The following RHOBTB1 variants were observed in gnomAD, a reference collection of about 807,000 sequenced individuals.
RHOBTB1 encodes rho-related BTB domain-containing protein 1.
RHOBTB1 carries 40 observed loss-of-function variants against 71.6 expected under a neutral mutation model. That is an observed-to-expected ratio of 0.56 (90% CI 0.43 to 0.73). The LOEUF (loss-of-function observed/expected upper bound fraction) is 0.73, where lower values mean the gene tolerates loss of function less well. Ranked by LOEUF, RHOBTB1 falls within the 30% of genes least tolerant of loss-of-function variation. The pLI is 0.00. For synonymous variants in RHOBTB1, 319 were observed against 334.9 expected (o/e 0.95, Z 0.52); for missense variants, 797 against 894.0 (o/e 0.89, Z 1.38).
chr10:60,879,155 G>C (rs1589158127), intron 7 of RHOBTB1, among the ~76,000 whole-genome samples: 1 of 152,158 alleles, frequency 6.6e-6, no homozygotes, highest in East Asian at 1.9e-4. Context: ...CTAGGAAGTA[G>C]TGACTGGGAT....
At position 60,887,774 on chromosome 10, in the gene RHOBTB1, T is replaced by TGGAGAATAGAATTGGTC. The variant is rs1317670631; in HGVS notation, c.1456+421_1456+437dup. Among the ~76,000 whole-genome samples the TGGAGAATAGAATTGGTC allele has an allele frequency of 3.9e-5, 6 of 152,118 alleles. No individual in the cohort carries two copies. The South Asian group carries it at 1.2e-3, about 31-fold the overall frequency. On this transcript the variant is annotated intron_variant, in intron 6 of 10. Transcript: ENST00000337910. ...TCATGGGTCAGTGCTGAAGGGTCAA[T>TGGAGAATAGAATTGGTC]GGAGAATAGAATTGGTCAGAGAATA...
At chr10:60,885,573 A>C (rs540899034) in intron 7 of RHOBTB1, among the ~76,000 whole-genome samples, 82 of 152,344 alleles carry the variant, frequency 5.4e-4, no homozygotes, top group African/African-American at 1.9e-3. Flanking sequence ...ATTGTAGCAC[A>C]TGGTAACCTG....
chr10:60,970,223 CA>C (rs1276246513), intron 2 of RHOBTB1, among the ~76,000 whole-genome samples: 1 of 151,996 alleles, frequency 6.6e-6, no homozygotes, highest in Non-Finnish European at 1.5e-5. Flanking sequence ...TTTGTGGTTA[CA>C]AGTCTATTCC....
At chr10:60,879,590 C>T (rs2132361112) in intron 7 of RHOBTB1, among the ~76,000 whole-genome samples, 1 of 152,218 alleles carries the variant, frequency 6.6e-6, no homozygotes, top group Non-Finnish European at 1.5e-5. Context: ...AGTGATCCTC[C>T]TGCCTTGGCT....
intron 2 of RHOBTB1, among the ~76,000 whole-genome samples, chr10:60,982,748 C>T (rs1017833946): frequency 6.6e-6 from 1 of 152,120 alleles, no homozygotes; most frequent in East Asian, 1.9e-4. Flanking sequence ...TTGTGACTCC[C>T]AGAGACTTAT....
intron 7 of RHOBTB1, among the ~76,000 whole-genome samples, chr10:60,879,832 GC>G (rs2081232483): frequency 6.6e-6 from 1 of 151,972 alleles, no homozygotes; most frequent in Non-Finnish European, 1.5e-5. Context: ...GCACACACAT[GC>G]ATGGAGCCAG....
intron 2 of RHOBTB1, among the ~76,000 whole-genome samples, chr10:60,979,059 G>C (rs554565595): frequency 2.0e-5 from 3 of 152,070 alleles, no homozygotes; most frequent in Admixed American, 2.0e-4. Flanking sequence ...TGGCTTCCTT[G>C]TCATCAGTAG....
chr10:60,905,244 T>C (rs530723836), intron 4 of RHOBTB1, among the ~76,000 whole-genome samples: 72 of 151,782 alleles, frequency 4.7e-4, no homozygotes, highest in African/African-American at 1.7e-3. Flanking sequence ...AGGTCAGCAG[T>C]TCGAGACCAC....
upstream of RHOBTB1, chr10:60,944,257 C>A (rs2085109276): frequency 6.6e-6 from 1 of 152,174 alleles, no homozygotes; most frequent in African/African-American, 2.4e-5. Flanking sequence ...CGCTCCCAGG[C>A]GGGGCAGCCA....
chr10:60,946,392 A>G (rs1459500879), upstream of RHOBTB1, among the ~76,000 whole-genome samples: 1 of 152,212 alleles, frequency 6.6e-6, no homozygotes, highest in Non-Finnish European at 1.5e-5. Context: ...CTCAAAAGAA[A>G]TGGGAATCAA....
At chr10:60,934,898 T>A (rs1156240829) in intron 2 of RHOBTB1, among the ~76,000 whole-genome samples, 1 of 152,200 alleles carries the variant, frequency 6.6e-6, no homozygotes, top group African/African-American at 2.4e-5. Context: ...AAAAGTACAT[T>A]CACATGAAAG....
At chr10:60,952,722 C>A (rs1441656870) in intron 2 of RHOBTB1, among the ~76,000 whole-genome samples, 2 of 152,172 alleles carry the variant, frequency 1.3e-5, no homozygotes, top group South Asian at 4.1e-4. Context: ...TAATGGGCTA[C>A]AGCTCATCTT....
At chr10:60,933,148 T>C (rs1028060017) in intron 2 of RHOBTB1, among the ~76,000 whole-genome samples, 1 of 152,232 alleles carries the variant, frequency 6.6e-6, no homozygotes. Flanking sequence ...TCTCTTACTT[T>C]ATTTGAAGTT....
At chr10:60,930,666 C>A (rs1034516214) in intron 2 of RHOBTB1, among the ~76,000 whole-genome samples, 1 of 152,254 alleles carries the variant, frequency 6.6e-6, no homozygotes, top group South Asian at 2.1e-4. Context: ...GCATGGCTTA[C>A]CTCACCTATT....
chr10:60,977,889 A>G (rs537922744), intron 2 of RHOBTB1, among the ~76,000 whole-genome samples: 4 of 152,134 alleles, frequency 2.6e-5, no homozygotes, highest in African/African-American at 4.8e-5. Flanking sequence ...TAAAATAAAT[A>G]TTCTGCATGA....
Position 60,938,757 on chromosome 10 carries a change from T to C in RHOBTB1, c.-11+3047A>G, listed in dbSNP as rs149418597. Among the ~76,000 whole-genome samples, 7 of 152,294 alleles carry C rather than the reference T, an allele frequency of 4.6e-5. No individual in the cohort carries two copies. In the East Asian group the frequency reaches 1.3e-3, roughly 29 times the overall value. On this transcript the variant is annotated intron_variant, in intron 2 of 10. Coordinates refer to ENST00000337910, the MANE Select transcript of RHOBTB1 (RefSeq NM_014836.5). Reference sequence around the variant, plus strand: ...GGGGGGTTTGTTTAGAGCAAATATATATTCAAGTTCTTAGACAGCGTTGGG... The same window carrying C: ...GGGGGGTTTGTTTAGAGCAAATATACATTCAAGTTCTTAGACAGCGTTGGG...
chr10:60,909,816 C>T (rs2082875810), intron 4 of RHOBTB1, among the ~76,000 whole-genome samples: 1 of 152,126 alleles, frequency 6.6e-6, no homozygotes, highest in Non-Finnish European at 1.5e-5. Flanking sequence ...TCTCTGAGTC[C>T]CCTTGAAAGA....
At chr10:60,885,647 C>G (rs531752345) in intron 7 of RHOBTB1, among the ~76,000 whole-genome samples, 4 of 152,314 alleles carry the variant, frequency 2.6e-5, no homozygotes, top group African/African-American at 7.2e-5. Flanking sequence ...AATGCGGCTT[C>G]TCAAGGTCCC....
In RHOBTB1 at chr10:60,911,433, T is replaced by A; in HGVS notation, c.110A>T (p.Asn37Ile). Residue 37 changes from asparagine to isoleucine, a missense_variant, in exon 3 of 11, where the codon AAC (asparagine) becomes ATC (isoleucine). Coordinates refer to ENST00000337910, the MANE Select transcript of RHOBTB1 (RefSeq NM_014836.5). ...KTRLICARAC[N>I]TTLTQYQLLA... ...CAGCTGATACTGCGTGAGTGTGGTG[T>A]TGCACGCCCTGGCACAGATCAAGCG... 1 of 1,614,164 alleles carries A rather than the reference T, an allele frequency of 6.2e-7. No homozygotes were observed. The highest frequency in any genetic ancestry group is 8.5e-7 in the Non-Finnish European group (1 of 1,180,022).
Sources: allele counts gnomAD v4.1 joint callset (sites outside exome capture counted in the v4.1 genomes callset), GRCh38; gene constraint gnomAD v4.1.1; transcripts MANE v1.5; gene names NCBI Gene and HGNC (gene_info 2026-07-23, HGNC 2026-07-21).